NAGPA: variants seen among roughly 807,000 people sequenced by gnomAD.
NAGPA encodes the protein N-acetylglucosamine-1-phosphodiester alpha-N-acetylglucosaminidase.
In NAGPA, 56 loss-of-function variants were observed where a neutral mutation model predicts 48.5. That is an observed-to-expected ratio of 1.15 (90% CI 0.93 to 1.44). The LOEUF (loss-of-function observed/expected upper bound fraction) is 1.44. Among genes scored for constraint, NAGPA ranks in the 40% most tolerant of loss-of-function variants. The pLI, the probability that NAGPA is intolerant of heterozygous loss-of-function variation, is 0.00. For synonymous variants in NAGPA, 399 were observed against 315.5 expected (o/e 1.26, Z -2.81); for missense variants, 888 against 735.0 (o/e 1.21, Z -2.41).
Position 5,033,445 on chromosome 16 carries a change from C to T in NAGPA, c.370G>A (p.Glu124Lys), listed in dbSNP as rs1474221128. ...GCAARRRATV[E>K]ETARAADCRV... ...CAGTCGGCCGCCCGCGCCGTCTCCT[C>T]CACGGTGGCGCGTCGTCTCGCCGCG... The change falls in exon 2 of 10, where the codon GAG becomes AAG. Residue 124 changes from glutamate (E) to lysine (K), a missense_variant. Coordinates refer to ENST00000312251, the MANE Select transcript of NAGPA (RefSeq NM_016256.4). This position sits in a 1 kb window ranked among gnomAD's most constrained non-coding sequence, Gnocchi z 4.2. The T allele has an allele frequency of 5.0e-6, 8 of 1,590,452 alleles. No individual in the cohort carries two copies. In the South Asian group the frequency reaches 7.8e-5, roughly 15 times the overall value.
At position 5,027,309 on chromosome 16, in the gene NAGPA, G is replaced by C; in HGVS notation, c.1245C>G (p.Asp415Glu). 1.9e-6 allele frequency: 3 copies of C among 1,614,218 alleles called. No homozygotes were observed. The highest frequency in any genetic ancestry group is 1.7e-6 in the Non-Finnish European group (2 of 1,180,040). The change falls in exon 8 of 10, where the codon GAC becomes GAG. Residue 415 changes from aspartate to glutamate, a missense_variant. Transcript: ENST00000312251. ...PCKCEHHCPC[D>E]PKTGNCSVSR... ...AGACGCTGCAGTTGCCAGTCTTGGG[G>C]TCACAGGGACAATGGTGCTCACACT... is the stretch of plus-strand genomic sequence containing the variant.
At chr16:5,030,103 T>C (rs1467563957) in intron 4 of NAGPA, 1 of 544,980 alleles carries the variant, frequency 1.8e-6, no homozygotes, top group Non-Finnish European at 3.3e-6. Flanking sequence ...AAGCTGGGAT[T>C]GGAACCAAGA....
At chr16:5,026,525 C>T (rs1695334307) in intron 9 of NAGPA, among the ~76,000 whole-genome samples, 1 of 151,716 alleles carries the variant, frequency 6.6e-6, no homozygotes, top group Non-Finnish European at 1.5e-5. Context: ...CAGAGTGAGA[C>T]CCCGTCTCAA....
In NAGPA at chr16:5,027,336, A is replaced by C; in HGVS notation, c.1218T>G (p.Cys406Trp). ...GWHGPGCQRP[C>W]KCEHHCPCDP... Reference sequence around the variant, plus strand: ...CACAGGGACAATGGTGCTCACACTTACAAGGCCTCTGGCAGCCCGGCCCAT... The same window carrying C: ...CACAGGGACAATGGTGCTCACACTTCCAAGGCCTCTGGCAGCCCGGCCCAT... Residue 406 changes from cysteine (C) to tryptophan (W), a missense_variant, in exon 8 of 10, where the codon TGT becomes TGG. Cys to Trp is a radical substitution (Grantham distance 215, BLOSUM62 -2). Transcript: ENST00000312251. 1.2e-6 allele frequency: 2 copies of C among 1,614,154 alleles called. No homozygotes were observed. The highest frequency in any genetic ancestry group is 1.7e-6 in the Non-Finnish European group (2 of 1,180,024).
chr16:5,025,546 T>C lies in NAGPA; in HGVS notation c.1480A>G (p.Met494Val). 1 of 1,613,430 alleles carries C rather than the reference T, an allele frequency of 6.2e-7. No homozygotes were observed. Among genetic ancestry groups the C allele is most frequent in the South Asian group, 1.1e-5 (1 of 91,048 alleles). Residue 494 changes from methionine to valine, a missense_variant, in exon 10 of 10, where the codon ATG becomes GTG. Coordinates refer to ENST00000312251, the MANE Select transcript of NAGPA (RefSeq NM_016256.4). ...TCTGCGGCCAGAGGCTCCCCGTTCA[T>C]CTCCTGCAGCGGGTGGTATGCATAG... is the stretch of plus-strand genomic sequence containing the variant. ...GDYAYHPLQE[M>V]NGEPLAAEKE...
chr16:5,031,765 C>G lies in NAGPA; in HGVS notation c.662G>C (p.Cys221Ser). 1 of 1,614,166 alleles carries G rather than the reference C, an allele frequency of 6.2e-7. No homozygotes were observed. Among genetic ancestry groups the G allele is most frequent in the Non-Finnish European group, 8.5e-7 (1 of 1,180,038 alleles). Residue 221 changes from cysteine to serine, a missense_variant, in exon 3 of 10, where the codon TGT becomes TCT. Transcript: ENST00000312251. ...CCAACCTGTCTCCTGTGTCTCGTCA[C>G]ACTCTGTGGCTTGGCTCTCGTTGAT... is the stretch of plus-strand genomic sequence containing the variant. ...IYINESQATE[C>S]DETQETGSFS...
chr16:5,032,224 C>A (rs749779462), intron 2 of NAGPA, among the ~76,000 whole-genome samples: 12 of 152,296 alleles, frequency 7.9e-5, no homozygotes, highest in East Asian at 3.9e-4. Flanking sequence ...ATCCCTGTTA[C>A]GGCCCTTCAT....
At chr16:5,029,768 A>G (rs997623134) in intron 4 of NAGPA, 4 of 159,928 alleles carry the variant, frequency 2.5e-5, no homozygotes, top group Non-Finnish European at 5.5e-5. Flanking sequence ...TACTAAAAAT[A>G]CAAAAATTAG....
In NAGPA at chr16:5,033,171, CAG is replaced by C. The variant is rs372485201; in HGVS notation, c.542+100_542+101del. 531 of 1,355,506 alleles carry C rather than the reference CAG, an allele frequency of 3.9e-4. 5 individuals are homozygous for C. In the East Asian group the frequency reaches 0.01, roughly 26 times the overall value. The allele number at this position is 1,355,506 out of a possible 1,614,324, so 84.0% of individuals were successfully genotyped here. ...TATCCCCATTCTGCAGAGGAGGAAA[CAG>C]GGGCTCAGCTTGGTTAAGTGACTTG... On this transcript the variant is annotated intron_variant, in intron 2 of 9. Coordinates refer to ENST00000312251, the MANE Select transcript of NAGPA (RefSeq NM_016256.4). This position sits in a 1 kb window ranked among gnomAD's most constrained non-coding sequence, Gnocchi z 4.2.
intron 4 of NAGPA, 150 bp downstream of exon 4, chr16:5,030,235 T>G: frequency 1.4e-6 from 1 of 714,610 alleles, no homozygotes; most frequent in South Asian, 1.6e-5. Flanking sequence ...ACCCTCATCC[T>G]GTGGGAAGGT....
rs762671817 is a variant in NAGPA at position 5,027,187 on chromosome 16, GACACTGCTTTACTGTA to G, written c.1277-5_1287del. On this transcript the variant is annotated splice_acceptor_variant and splice_polypyrimidine_tract_variant and coding_sequence_variant and intron_variant, in exon 9 of 10. Transcript: ENST00000312251. LOFTEE classifies it high-confidence loss of function. ...CTCAGGGTGGCTTCAGGTGGCTGGA[GACACTGCTTTACTGTA>G]ACATACCAGAGACAGGCTGAAGGGG... 2.8e-5 allele frequency: 45 copies of G among 1,614,150 alleles called. No homozygotes were observed. The highest frequency in any genetic ancestry group is 3.6e-5 in the Non-Finnish European group (43 of 1,180,056).
At chr16:5,032,489 C>T (rs1956118162) in intron 2 of NAGPA, among the ~76,000 whole-genome samples, 1 of 130,576 alleles carries the variant, frequency 7.7e-6, no homozygotes, top group Non-Finnish European at 1.7e-5. Context: ...ACCCACTCCC[C>T]CGTTCCCCAC....
intron 2 of NAGPA, among the ~76,000 whole-genome samples, chr16:5,032,104 G>A (rs1410129968): frequency 6.6e-6 from 1 of 152,036 alleles, no homozygotes; most frequent in Non-Finnish European, 1.5e-5. Context: ...ATCCCCACAA[G>A]CCTTTGCAAA....
At chr16:5,030,905 T>C in intron 3 of NAGPA, 1 of 269,094 alleles carries the variant, frequency 3.7e-6, no homozygotes, top group East Asian at 9.6e-5. Context: ...ATCACCTCCT[T>C]AGTGAGGCCT....
At chr16:5,031,429 G>A in intron 3 of NAGPA, 1 of 371,816 alleles carries the variant, frequency 2.7e-6, no homozygotes, top group South Asian at 2.3e-5. Flanking sequence ...CGCCGATGTT[G>A]CAGGTCCATG....
Position 5,033,146 on chromosome 16 carries a change from T to G in NAGPA, c.542+127A>C. ...ATAAACTCTGCAAGGAAGCGATTCC[T>G]ATCCCCATTCTGCAGAGGAGGAAAC... On this transcript the variant is annotated intron_variant, in intron 2 of 9. Coordinates refer to ENST00000312251, the MANE Select transcript of NAGPA (RefSeq NM_016256.4). This position sits in a 1 kb window ranked among gnomAD's most constrained non-coding sequence, Gnocchi z 4.2. The G allele has an allele frequency of 9.0e-7, 1 of 1,113,124 alleles. No individual in the cohort carries two copies. Among genetic ancestry groups the G allele is most frequent in the Non-Finnish European group, 1.3e-6 (1 of 769,416 alleles). 69.0% of individuals were successfully genotyped at this position (1,113,124 alleles called of 1,614,324 possible). A position where few individuals can be genotyped will look rare whatever the true frequency, so the allele number is the denominator to read the frequency against.
At chr16:5,032,773 G>A (rs1567142403) in intron 2 of NAGPA, among the ~76,000 whole-genome samples, 1 of 151,822 alleles carries the variant, frequency 6.6e-6, no homozygotes, top group Non-Finnish European at 1.5e-5. Flanking sequence ...CTGAGCCTCT[G>A]AGCCTTTGTG....
chr16:5,033,758 G>T lies in NAGPA; in HGVS notation c.87-30C>A, dbSNP rs879188083. 3 of 1,594,234 alleles carry T rather than the reference G, an allele frequency of 1.9e-6. No homozygotes were observed. Among genetic ancestry groups the T allele is most frequent in the Non-Finnish European group, 2.6e-6 (3 of 1,171,632 alleles). ...GGGGACGGGCGGCCGTGAGCTCAGG[G>T]GGCTGTCCTCGTGAGCTCGGAGGAC... On this transcript the variant is annotated intron_variant, in intron 1 of 9. Transcript: ENST00000312251. The surrounding 1 kb of genome is among the most constrained non-coding windows in gnomAD (Gnocchi z 4.2).
intron 3 of NAGPA, 59 bp from the exon 4 acceptor site, chr16:5,030,552 T>G: frequency 7.4e-7 from 1 of 1,356,594 alleles, no homozygotes; most frequent in Non-Finnish European, 1.0e-6. Context: ...GCTTCTTGCC[T>G]AACTCCACTT....
Sources: gnomAD v4.1 joint callset for allele counts (sites outside exome capture counted in the v4.1 genomes callset) on GRCh38, gnomAD v4.1.1 for gene constraint, Gnocchi (gnomAD v3.1) non-coding constraint, MANE v1.5 for transcripts, NCBI Gene and HGNC (gene_info 2026-07-23, HGNC 2026-07-21) for gene names.